Variants in TRIM24 observed in about 807,000 individuals in gnomAD.
TRIM24 encodes the protein tripartite motif containing 24.
TRIM24 carries 29 observed loss-of-function variants against 123.9 expected under a neutral mutation model. That is an observed-to-expected ratio of 0.23 (90% confidence interval 0.17 to 0.32). The LOEUF (loss-of-function observed/expected upper bound fraction) is 0.32, where lower values mean the gene tolerates loss of function less well. Ranked by LOEUF, TRIM24 falls within the 10% of genes least tolerant of loss-of-function variation. TRIM24 has a pLI of 1.00. For synonymous variants in TRIM24, 456 were observed against 461.1 expected (o/e 0.99, Z 0.14); for missense variants, 932 against 1,295.3 (o/e 0.72, Z 4.31).
chr7:138,497,028 C>G (rs1290977447), intron 1 of TRIM24, among the ~76,000 whole-genome samples: 1 of 152,074 alleles, frequency 6.6e-6, no homozygotes, highest in African/African-American at 2.4e-5. Context: ...AGAGATTGTT[C>G]TGTAATTTTC....
intron 12 of TRIM24, among the ~76,000 whole-genome samples, chr7:138,575,508 CTTTTAT>C (rs1442673259): frequency 2.0e-5 from 3 of 149,308 alleles, no homozygotes; most frequent in Non-Finnish European, 4.4e-5. Context: ...TTGTCCAGGC[CTTTTAT>C]TTTTAAATTA....
intron 3 of TRIM24, among the ~76,000 whole-genome samples, chr7:138,516,082 G>A (rs947283349): frequency 4.6e-5 from 7 of 152,110 alleles, no homozygotes; most frequent in Non-Finnish European, 8.8e-5. Context: ...GGTGGATCAT[G>A]AGATCAGGAG....
chr7:138,460,471 C>CAGGAGG lies in TRIM24; in HGVS notation c.-68_-63dup. ...CCGAGCGGCCTCTGAGGAGCAGCCG[C>CAGGAGG]AGGAGGAGGAGGAGGTCGTCGGGGG... On this transcript the variant is annotated 5_prime_UTR_variant, in exon 1 of 19. Coordinates refer to ENST00000343526, the MANE Select transcript of TRIM24 (RefSeq NM_015905.3). 1 of 1,241,868 alleles carries CAGGAGG rather than the reference C, an allele frequency of 8.1e-7. No homozygotes were observed. The highest frequency in any genetic ancestry group is 3.5e-5 in the South Asian group (1 of 28,848). The allele number at this position is 1,241,868 out of a possible 1,614,324, so 76.9% of individuals were successfully genotyped here.
At chr7:138,488,573 A>G (rs1453155411) in intron 1 of TRIM24, among the ~76,000 whole-genome samples, 1 of 152,224 alleles carries the variant, frequency 6.6e-6, no homozygotes, top group Non-Finnish European at 1.5e-5. Context: ...GTTTCAAAGA[A>G]CATCTTTATT....
At chr7:138,551,872 T>G (rs1425078990) in intron 8 of TRIM24, among the ~76,000 whole-genome samples, 1 of 152,218 alleles carries the variant, frequency 6.6e-6, no homozygotes, top group African/African-American at 2.4e-5. Flanking sequence ...AGGGAAGACT[T>G]TTAGTTTTCT....
In TRIM24 at chr7:138,461,086, G is replaced by T. The variant is rs925594443; in HGVS notation, c.364+174G>T. The stretch of plus-strand genomic sequence containing the variant: ...TGACATGGAGGGCCCGCGCTCTGCG[G>T]CGTGTCGCGCTCGGCCAGCAACTTC... On this transcript the variant is annotated intron_variant, in intron 1 of 18. Transcript: ENST00000343526. 6.4e-6 allele frequency: 5 copies of T among 780,872 alleles called. No homozygotes were observed. In the African/African-American group the frequency reaches 6.9e-5, roughly 11 times the overall value. The allele number at this position is 780,872 out of a possible 1,614,324, so 48.4% of individuals were successfully genotyped here.
In TRIM24 at chr7:138,525,344, C is replaced by A; in HGVS notation, c.868C>A (p.Gln290Lys). Residue 290 changes from glutamine (Q) to lysine (K), a missense_variant, in exon 5 of 19, where the codon CAG becomes AAG. Gln to Lys is a moderately conservative substitution (Grantham distance 53). This residue lies in a region of TRIM24 where 527 missense variants were observed against 691.3 expected (regional missense o/e 0.76). Coordinates refer to ENST00000343526, the MANE Select transcript of TRIM24 (RefSeq NM_015905.3). ...AAAATACATAAAATTCACAGGAAAT[C>A]AGATCCAAAACAGGTAATTTTATGG... Reference protein sequence around the residue: ...KTKYIKFTGNQIQNRIIEVNQ... With the variant: ...KTKYIKFTGNKIQNRIIEVNQ... The A allele has an allele frequency of 2.7e-6, 4 of 1,508,820 alleles. No homozygotes were observed. The highest frequency in any genetic ancestry group is 1.4e-5 in the South Asian group (1 of 73,052). The allele number at this position is 1,508,820 out of a possible 1,614,324, so 93.5% of individuals were successfully genotyped here. A position where few individuals can be genotyped will look rare whatever the true frequency, so the allele number is the denominator to read the frequency against.
At chr7:138,508,688 T>C (rs1008756838) in intron 2 of TRIM24, among the ~76,000 whole-genome samples, 2,199 of 91,510 alleles carry the variant, frequency 0.024, 47 homozygotes, top group African/African-American at 0.098. Context: ...TGTGTGTGTG[T>C]GTGTGCGCGC....
At chr7:138,534,542 C>T (rs1439990822) in intron 6 of TRIM24, among the ~76,000 whole-genome samples, 2 of 152,150 alleles carry the variant, frequency 1.3e-5, no homozygotes, top group Admixed American at 6.5e-5. Context: ...GTTTCTTAAT[C>T]CTGAGTTCTA....
At chr7:138,491,018 G>C (rs10155993) in intron 1 of TRIM24, 186,508 of 234,648 alleles carry the variant, frequency 0.79, 74,871 homozygotes, top group African/African-American at 0.85. Flanking sequence ...CAATCATGGT[G>C]TGCCATTTTT....
chr7:138,463,043 GTT>G (rs57719141), intron 1 of TRIM24, among the ~76,000 whole-genome samples: 1,221 of 60,104 alleles, frequency 0.02, 9 homozygotes, highest in South Asian at 0.049. Context: ...CTAATTTTGT[GTT>G]TTTTTTTTTT....
intron 17 of TRIM24, among the ~76,000 whole-genome samples, chr7:138,582,486 G>C (rs1797920656): frequency 6.7e-6 from 1 of 150,298 alleles, no homozygotes; most frequent in Non-Finnish European, 1.5e-5. Flanking sequence ...AGCTTGCAGT[G>C]AGCCGAGATC....
chr7:138,562,682 C>G (rs1797451094), intron 9 of TRIM24, among the ~76,000 whole-genome samples: 2 of 152,194 alleles, frequency 1.3e-5, no homozygotes, highest in Admixed American at 6.5e-5. Flanking sequence ...TAATCTTTAG[C>G]CAGCCCGGGT....
In TRIM24 at chr7:138,557,865, G is replaced by C. The variant is rs192551501; in HGVS notation, c.1530+2899G>C. 2.2e-3 allele frequency among the ~76,000 whole-genome samples: 330 copies of C among 152,308 alleles called. 1 individual carries two copies. Among genetic ancestry groups the C allele is most frequent in the Non-Finnish European group, 3.9e-3 (266 of 68,028 alleles). On this transcript the variant is annotated intron_variant, in intron 9 of 18. Coordinates refer to ENST00000343526, the MANE Select transcript of TRIM24 (RefSeq NM_015905.3). ...GCACTGCCTATAACGTTATGATGCA[G>C]TTGAGCATGTAAATAGAGGTACAGT...
intron 9 of TRIM24, among the ~76,000 whole-genome samples, chr7:138,555,217 G>T (rs1002898636): frequency 1.3e-5 from 2 of 152,124 alleles, no homozygotes; most frequent in Non-Finnish European, 2.9e-5. Flanking sequence ...AAGGATAAAT[G>T]TTTGTATTCC....
At chr7:138,496,193 G>A in intron 1 of TRIM24, among the ~76,000 whole-genome samples, 1 of 152,174 alleles carries the variant, frequency 6.6e-6, no homozygotes, top group East Asian at 1.9e-4. Context: ...TGGAGACATG[G>A]AATCTCAACT....
intron 1 of TRIM24, among the ~76,000 whole-genome samples, chr7:138,463,359 C>T (rs1222318162): frequency 6.6e-6 from 1 of 151,952 alleles, no homozygotes; most frequent in Non-Finnish European, 1.5e-5. Context: ...CTGGTTCAAG[C>T]GATTCTTGTG....
At chr7:138,576,230 T>A (rs1327169204) in intron 12 of TRIM24, 143 bp from the exon 13 acceptor site, 7 of 765,326 alleles carry the variant, frequency 9.1e-6, no homozygotes, top group African/African-American at 5.2e-5. Flanking sequence ...AACAGACTGC[T>A]GAAAATTCAG....
Position 138,567,608 on chromosome 7 carries a change from C to A in TRIM24, c.1658C>A (p.Pro553Gln), listed in dbSNP as rs148347079. 67 of 1,613,496 alleles carry A rather than the reference C, an allele frequency of 4.2e-5. No individual in the cohort carries two copies. The highest frequency in any genetic ancestry group is 5.7e-5 in the Non-Finnish European group (67 of 1,179,826). ...AACATACCACGACAAGCAATAAAGC[C>A]AAACCCCCTACAGATGGCTTTCTTG... ...NQNIPRQAIK[P>Q]NPLQMAFLAQ... The change falls in exon 10 of 19, where the codon CCA becomes CAA. Residue 553 changes from proline (P) to glutamine (Q), a missense_variant. Pro to Gln is a moderately conservative substitution (Grantham distance 76, BLOSUM62 -1). Around this residue, in one of 7 missense-constraint regions of TRIM24, gnomAD observed 527 missense variants for 691.3 expected, o/e 0.76. Transcript: ENST00000343526.
Sources: allele counts gnomAD v4.1 joint callset (sites outside exome capture counted in the v4.1 genomes callset), GRCh38; gene constraint gnomAD v4.1.1; regional missense constraint gnomAD v4.1.1; transcripts MANE v1.5; gene names NCBI Gene and HGNC (gene_info 2026-07-23, HGNC 2026-07-21).